PTPRT: variants seen among roughly 807,000 people sequenced by gnomAD.
PTPRT encodes protein tyrosine phosphatase receptor type T, also known as receptor-type tyrosine-protein phosphatase T.
PTPRT carries 56 observed loss-of-function variants against 176.8 expected under a neutral mutation model. The observed-to-expected ratio is 0.32, with a 90% CI of 0.26 to 0.40. The LOEUF (loss-of-function observed/expected upper bound fraction) is 0.40, where lower values mean the gene tolerates loss of function less well. Among genes scored for constraint, PTPRT ranks in the 10% least tolerant of loss-of-function variants. The pLI is 1.00. For synonymous variants in PTPRT, 783 were observed against 739.0 expected, an observed-to-expected ratio of 1.06 and a Z score of -0.96; for missense variants, 1,540 against 1,908.2, an observed-to-expected ratio of 0.81 and a Z score of 3.60.
At chr20:42,624,015 A>T (rs2074247637) in intron 7 of PTPRT, among the ~76,000 whole-genome samples, 1 of 146,494 alleles carries the variant, frequency 6.8e-6, no homozygotes, top group Non-Finnish European at 1.5e-5. Context: ...CAACAAACAA[A>T]CAAACAAACA....
chr20:42,663,366 C>T (rs939628888), intron 7 of PTPRT, among the ~76,000 whole-genome samples: 1 of 152,150 alleles, frequency 6.6e-6, no homozygotes, highest in Non-Finnish European at 1.5e-5. Flanking sequence ...AGGATGAGTT[C>T]TATGCTGGGC....
At position 42,087,774 on chromosome 20, in the gene PTPRT, G is replaced by A. The variant is rs1399356584; in HGVS notation, c.3847-1921C>T. Among the ~76,000 whole-genome samples the A allele has an allele frequency of 2.7e-5, 4 of 149,846 alleles. No homozygotes were observed. The Admixed American group carries it at 2.7e-4, about 10-fold the overall frequency. ...TGTAATCCCAGCTACTCAGGAGGCT[G>A]AGGCAGGAGAATCACTTGAACCCAG... On this transcript the variant is annotated intron_variant, in intron 27 of 30. Transcript: ENST00000373187.
intron 20 of PTPRT, among the ~76,000 whole-genome samples, chr20:42,119,211 T>C (rs1269448269): frequency 6.6e-6 from 1 of 152,148 alleles, no homozygotes; most frequent in Non-Finnish European, 1.5e-5. Flanking sequence ...GTGTATTTAC[T>C]GTAATAAGCA....
chr20:42,820,021 T>C (rs1461368024), intron 2 of PTPRT, among the ~76,000 whole-genome samples: 2 of 152,056 alleles, frequency 1.3e-5, no homozygotes, highest in Non-Finnish European at 2.9e-5. Flanking sequence ...AGACAGAAAA[T>C]TAACAAGGAT....
intron 1 of PTPRT, among the ~76,000 whole-genome samples, chr20:42,950,046 A>G (rs1228143741): frequency 1.3e-5 from 2 of 152,076 alleles, no homozygotes; most frequent in African/African-American, 4.8e-5. Context: ...TGTCTTTGGG[A>G]CTCTGTGGCA....
rs75363633 is a variant in PTPRT, at chr20:43,093,633, A to G, written c.88+96013T>C. Among the ~76,000 whole-genome samples, 8 of 152,316 alleles carry G rather than the reference A, an allele frequency of 5.3e-5. No individual in the cohort carries two copies. In the East Asian group the frequency reaches 9.7e-4, roughly 18 times the overall value. ...TGATCTATTTTCCAAGAGCAGCCAG[A>G]GTGATCCTCGGGAAGTTAACACTTC... is the stretch of plus-strand genomic sequence containing the variant. On this transcript the variant is annotated intron_variant, in intron 1 of 30. Transcript: ENST00000373187.
chr20:42,328,497 T>C (rs553201574), intron 11 of PTPRT, among the ~76,000 whole-genome samples: 1 of 152,174 alleles, frequency 6.6e-6, no homozygotes, highest in African/African-American at 2.4e-5. Flanking sequence ...AAGACAGATT[T>C]AGTAATAGAA....
intron 1 of PTPRT, among the ~76,000 whole-genome samples, chr20:43,089,708 A>G (rs1293494132): frequency 6.6e-6 from 1 of 152,174 alleles, no homozygotes; most frequent in Non-Finnish European, 1.5e-5. Flanking sequence ...AGATACCAGG[A>G]GTTGGAGGAA....
chr20:43,129,613 C>CTTTTTTTTT (rs869293740), intron 1 of PTPRT, among the ~76,000 whole-genome samples: 9 of 87,274 alleles, frequency 1.0e-4, no homozygotes, highest in Admixed American at 1.7e-4. Flanking sequence ...CCAAAGAGTT[C>CTTTTTTTTT]TTTTTTTTTT....
intron 6 of PTPRT, among the ~76,000 whole-genome samples, chr20:42,696,946 AT>A (rs2075889428): frequency 6.6e-6 from 1 of 152,204 alleles, no homozygotes; most frequent in Non-Finnish European, 1.5e-5. Flanking sequence ...TTGTGAGATA[AT>A]AAATGTTTCT....
chr20:42,820,422 T>C (rs938215518), intron 2 of PTPRT, among the ~76,000 whole-genome samples: 1 of 150,310 alleles, frequency 6.7e-6, no homozygotes, highest in Admixed American at 6.7e-5. Context: ...TAAAGCAGTG[T>C]TAAGAGGGAA....
chr20:42,758,513 G>C (rs1569138284), intron 5 of PTPRT, among the ~76,000 whole-genome samples: 1 of 152,286 alleles, frequency 6.6e-6, no homozygotes, highest in East Asian at 1.9e-4. Context: ...CAGGCTCCAG[G>C]CTACAGGGAG....
At chr20:42,927,084 T>G (rs755130084) in intron 1 of PTPRT, among the ~76,000 whole-genome samples, 12 of 152,226 alleles carry the variant, frequency 7.9e-5, no homozygotes, top group Non-Finnish European at 1.6e-4. Flanking sequence ...TGACTTTCGA[T>G]GTCCACCAAG....
intron 12 of PTPRT, among the ~76,000 whole-genome samples, chr20:42,284,375 CAT>C (rs1359236374): frequency 4.6e-5 from 7 of 151,984 alleles, no homozygotes; most frequent in Non-Finnish European, 8.8e-5. Context: ...AGTACAGAGT[CAT>C]ATTTACCACT....
chr20:42,807,527 A>G (rs566908705), intron 2 of PTPRT, among the ~76,000 whole-genome samples: 7 of 152,020 alleles, frequency 4.6e-5, no homozygotes, highest in African/African-American at 1.4e-4. Context: ...CATAAATCCA[A>G]TGCTTTATCT....
chr20:42,657,574 G>T (rs568073441), intron 7 of PTPRT, among the ~76,000 whole-genome samples: 2 of 152,118 alleles, frequency 1.3e-5, no homozygotes, highest in African/African-American at 4.8e-5. Context: ...TTTGTGGGGG[G>T]GAAAAATCTG....
At chr20:42,887,912 A>G (rs1214434072) in intron 1 of PTPRT, among the ~76,000 whole-genome samples, 1 of 152,174 alleles carries the variant, frequency 6.6e-6, no homozygotes. Flanking sequence ...GTTCTCAGAA[A>G]TGAGATCGCA....
At chr20:42,629,766 A>G (rs1007168139) in intron 7 of PTPRT, among the ~76,000 whole-genome samples, 1 of 152,206 alleles carries the variant, frequency 6.6e-6, no homozygotes, top group African/African-American at 2.4e-5. Flanking sequence ...CAAATCCAGA[A>G]CCAGGCAGTA....
intron 6 of PTPRT, among the ~76,000 whole-genome samples, chr20:42,699,153 A>C (rs568525610): frequency 3.1e-4 from 47 of 152,304 alleles, no homozygotes; most frequent in African/African-American, 9.9e-4. Flanking sequence ...CTCCCACGGA[A>C]TCCTTAGGCA....
Sources: gnomAD v4.1 joint callset for allele counts (sites outside exome capture counted in the v4.1 genomes callset) on GRCh38, gnomAD v4.1.1 for gene constraint, MANE v1.5 for transcripts, NCBI Gene and HGNC (gene_info 2026-07-23, HGNC 2026-07-21) for gene names.